Variants in SLC38A11 observed in about 807,000 individuals in gnomAD.
The protein encoded by SLC38A11 is solute carrier family 38 member 11, also known as putative sodium-coupled neutral amino acid transporter 11.
Under a neutral mutation model 49.4 loss-of-function variants are expected in SLC38A11, and 51 were observed. The ratio of observed to expected loss-of-function variants is 1.03; its 90% CI spans 0.83 to 1.30. The LOEUF is 1.30. SLC38A11 is among the 50% of genes most tolerant of loss of function. The pLI is 0.00. For synonymous variants in SLC38A11, 203 were observed against 192.9 expected, an observed-to-expected ratio of 1.05 and a Z score of -0.43; for missense variants, 574 against 556.2, an observed-to-expected ratio of 1.03 and a Z score of -0.32.
intron 7 of SLC38A11, among the ~76,000 whole-genome samples, chr2:164,919,497 C>A (rs1268792619): frequency 6.6e-6 from 1 of 151,566 alleles, no homozygotes; most frequent in Non-Finnish European, 1.5e-5. Flanking sequence ...TTTAAAAATA[C>A]AAAGGTAAGC....
intron 7 of SLC38A11, among the ~76,000 whole-genome samples, chr2:164,934,737 T>A (rs1430685934): frequency 6.6e-6 from 1 of 152,128 alleles, no homozygotes; most frequent in African/African-American, 2.4e-5. Flanking sequence ...ATAAAAATTA[T>A]CAATTAAAAC....
intron 7 of SLC38A11, among the ~76,000 whole-genome samples, chr2:164,933,169 T>G (rs1440182318): frequency 2.6e-5 from 4 of 152,090 alleles, no homozygotes; most frequent in Non-Finnish European, 5.9e-5. Context: ...GGAAAATAGT[T>G]GTAAATTTGG....
At chr2:164,901,262 A>G (rs1684633063) in intron 11 of SLC38A11, among the ~76,000 whole-genome samples, 1 of 152,042 alleles carries the variant, frequency 6.6e-6, no homozygotes, top group Non-Finnish European at 1.5e-5. Flanking sequence ...TTTCTTTTCA[A>G]TACTGATTGT....
At chr2:164,951,873 G>A (rs1688546403) in intron 3 of SLC38A11, among the ~76,000 whole-genome samples, 1 of 152,028 alleles carries the variant, frequency 6.6e-6, no homozygotes, top group Non-Finnish European at 1.5e-5. Flanking sequence ...GGAGGCCCAG[G>A]GCAACACTCC....
intron 11 of SLC38A11, among the ~76,000 whole-genome samples, chr2:164,900,610 T>A (rs1684590461): frequency 6.6e-6 from 1 of 152,160 alleles, no homozygotes. Context: ...TTTGGAGAAA[T>A]ATCTGCTAAG....
rs986490782 is a variant in SLC38A11, at chr2:164,948,231, G to A, written c.230-2504C>T. Among the ~76,000 whole-genome samples the A allele has an allele frequency of 8.5e-5, 13 of 152,102 alleles. 1 individual carries two copies. The highest frequency in any genetic ancestry group is 3.1e-4 in the African/African-American group (13 of 41,414). On this transcript the variant is annotated intron_variant, in intron 3 of 11. Transcript: ENST00000685975. ...TTATAGAAGCTGAGTGGGAACTAAC[G>A]CTATTTCTACTTATTTTTGACAAGC...
At chr2:164,939,263 CTCA>C (rs1285264900) in intron 6 of SLC38A11, among the ~76,000 whole-genome samples, 184 bp downstream of exon 6, 1 of 152,016 alleles carries the variant, frequency 6.6e-6, no homozygotes, top group Non-Finnish European at 1.5e-5. Flanking sequence ...TTAGTTAATA[CTCA>C]TCAACTATTT....
chr2:164,914,158 T>C (rs1685597407), intron 9 of SLC38A11, among the ~76,000 whole-genome samples: 1 of 152,052 alleles, frequency 6.6e-6, no homozygotes, highest in Non-Finnish European at 1.5e-5. Context: ...GCAAGTTACT[T>C]CACCTCTTTG....
chr2:164,945,365 A>G (rs997873112), intron 4 of SLC38A11, among the ~76,000 whole-genome samples: 7 of 151,878 alleles, frequency 4.6e-5, no homozygotes. Context: ...AAGCCCAAAC[A>G]TTAACCTAGT....
intron 7 of SLC38A11, among the ~76,000 whole-genome samples, chr2:164,917,004 ATG>A (rs1269542604): frequency 2.6e-5 from 4 of 152,286 alleles, no homozygotes; most frequent in Non-Finnish European, 5.9e-5. Context: ...GAGATAAAAT[ATG>A]TAAAACTTCT....
intron 5 of SLC38A11, among the ~76,000 whole-genome samples, chr2:164,941,838 A>G (rs1687788026): frequency 6.6e-6 from 1 of 152,150 alleles, no homozygotes; most frequent in Non-Finnish European, 1.5e-5. Flanking sequence ...ATGTTCTTAA[A>G]ATATTACTAA....
chr2:164,947,575 A>G (rs1247728209), intron 3 of SLC38A11, among the ~76,000 whole-genome samples: 1 of 152,146 alleles, frequency 6.6e-6, no homozygotes, highest in Admixed American at 6.5e-5. Context: ...CAGCTGCCTA[A>G]TAAATATTTT....
intron 7 of SLC38A11, among the ~76,000 whole-genome samples, chr2:164,934,954 A>G (rs536020778): frequency 2.0e-5 from 3 of 152,244 alleles, no homozygotes; most frequent in African/African-American, 7.2e-5. Context: ...GCTTTTATAC[A>G]TACTTTTCCC....
At chr2:164,928,471 C>T (rs1686748277) in intron 7 of SLC38A11, among the ~76,000 whole-genome samples, 1 of 152,138 alleles carries the variant, frequency 6.6e-6, no homozygotes, top group Non-Finnish European at 1.5e-5. Context: ...CAATTCTTTG[C>T]TGAATTCTAA....
Position 164,945,745 on chromosome 2 carries a change from A to G in SLC38A11, c.230-18T>C, listed in dbSNP as rs1339517311. ...GGAAAAGTCTGTGGCAAGAACATCA[A>G]TTAAATGTCAGATTACATGTAATAC... On this transcript the variant is annotated intron_variant, in intron 3 of 11. Transcript: ENST00000685975. The G allele has an allele frequency of 5.0e-6, 8 of 1,598,296 alleles. No homozygotes were observed. Among genetic ancestry groups the G allele is most frequent in the East Asian group, 4.5e-5 (2 of 44,510 alleles).
In SLC38A11 at chr2:164,954,688, A is replaced by G; in HGVS notation, c.97T>C (p.Cys33Arg). Reference protein sequence around the residue: ...VSEHEYKEKTCQSAALFNVVN... With the variant: ...VSEHEYKEKTRQSAALFNVVN... Reference sequence around the variant, plus strand: ...ACATTAAAAAGAGCAGCAGACTGACAGGTTTTCTCTTTATACTCATGTTCA... The same window carrying G: ...ACATTAAAAAGAGCAGCAGACTGACGGGTTTTCTCTTTATACTCATGTTCA... Residue 33 changes from cysteine (C) to arginine (R), a missense_variant, in exon 2 of 12, where the codon TGT becomes CGT. Transcript: ENST00000685975. 1 of 1,544,830 alleles carries G rather than the reference A, an allele frequency of 6.5e-7. No homozygotes were observed. The highest frequency in any genetic ancestry group is 8.7e-7 in the Non-Finnish European group (1 of 1,143,438).
intron 7 of SLC38A11, among the ~76,000 whole-genome samples, chr2:164,935,000 G>A (rs1030796015): frequency 6.6e-6 from 1 of 151,914 alleles, no homozygotes; most frequent in African/African-American, 2.4e-5. Context: ...TACCCTCTAT[G>A]TATCTGGAAA....
intron 9 of SLC38A11, 113 bp from the exon 10 acceptor site, chr2:164,911,861 T>C (rs1685429237): frequency 1.8e-6 from 1 of 554,320 alleles, no homozygotes; most frequent in African/African-American, 1.9e-5. Context: ...GGCCCACATA[T>C]ATGATTACAA....
intron 7 of SLC38A11, among the ~76,000 whole-genome samples, chr2:164,935,303 T>C (rs1442344236): frequency 6.6e-6 from 1 of 151,744 alleles, no homozygotes; most frequent in Non-Finnish European, 1.5e-5. Context: ...CTGGAAACAA[T>C]AGAAACTCAT....
Sources: allele counts gnomAD v4.1 joint callset (sites outside exome capture counted in the v4.1 genomes callset), GRCh38; gene constraint gnomAD v4.1.1; transcripts MANE v1.5; gene names NCBI Gene and HGNC (gene_info 2026-07-23, HGNC 2026-07-21).